TAF1: variants seen among roughly 807,000 people sequenced by gnomAD.
TAF1 encodes transcription initiation factor TFIID subunit 1.
A neutral mutation model predicts 138.5 loss-of-function variants in TAF1; 2 were observed. That is an observed-to-expected ratio of 0.01 (90% CI 0.01 to 0.05). The LOEUF is 0.05. TAF1 is among the 10% of genes least tolerant of loss of function. The pLI is 1.00. For synonymous variants in TAF1, 437 were observed against 503.2 expected, an observed-to-expected ratio of 0.87 and a Z score of 1.76; for missense variants, 709 against 1,478.0, an observed-to-expected ratio of 0.48 and a Z score of 8.53.
chrX:71,497,055 G>A (rs1414747603), intron 13 of TAF1, among the ~76,000 whole-genome samples: 1 of 112,119 alleles, frequency 8.9e-6, no homozygotes, highest in Non-Finnish European at 1.9e-5. Context: ...CTAAGGCTCG[G>A]GTAAGTGCCA....
At chrX:71,379,527 C>T (rs1165503256) in intron 8 of TAF1, among the ~76,000 whole-genome samples, 3 of 109,436 alleles carry the variant, frequency 2.7e-5, no homozygotes, top group Non-Finnish European at 3.8e-5. Context: ...GGAAGATAGT[C>T]CATGTAATTT....
rs371180908 is a variant in TAF1, at chrX:71,397,222, C to T, written c.3407-31C>T. 9.7e-5 allele frequency: 115 copies of T among 1,190,063 alleles called. No individual in the cohort carries two copies. In the African/African-American group the frequency reaches 1.8e-3, roughly 19 times the overall value. On this transcript the variant is annotated intron_variant, in intron 22 of 37. Coordinates refer to ENST00000423759, the MANE Select transcript of TAF1 (RefSeq NM_004606.5). ...ATGATCATTTGGGAGATAAGGGGAA[C>T]GTTTGGAAATCTTTTCTACCTACCT...
At chrX:71,463,297 T>G (rs1277674119) in intron 37 of TAF1, among the ~76,000 whole-genome samples, 1 of 110,525 alleles carries the variant, frequency 9.0e-6, no homozygotes, top group Non-Finnish European at 1.9e-5. Context: ...TTTTTTCAAG[T>G]AAAATTAAGA....
chrX:71,384,218 A>G, intron 13 of TAF1, 83 bp downstream of exon 13: 1 of 1,076,874 alleles, frequency 9.3e-7, no homozygotes, highest in South Asian at 2.2e-5. Context: ...ACTTTTTGTT[A>G]TTAACATAGC....
intron 37 of TAF1, among the ~76,000 whole-genome samples, chrX:71,462,286 A>C (rs1019926487): frequency 9.0e-6 from 1 of 111,060 alleles, no homozygotes; most frequent in African/African-American, 3.2e-5. Flanking sequence ...CATATGAAAA[A>C]ATAACTTCCA....
At chrX:71,501,790 G>A (rs936063424) in intron 13 of TAF1, among the ~76,000 whole-genome samples, 4 of 111,387 alleles carry the variant, frequency 3.6e-5, no homozygotes, top group South Asian at 3.8e-4. Context: ...TGCACTATTC[G>A]CTTTTAACTG....
rs1032931800 is a variant in TAF1 at position 71,424,266 on chromosome X, A to G, written c.4753+28A>G. 8 of 1,143,750 alleles carry G rather than the reference A, an allele frequency of 7.0e-6. No individual in the cohort carries two copies. The African/African-American group carries it at 1.1e-4, about 16-fold the overall frequency. 94.3% of individuals were successfully genotyped at this position (1,143,750 alleles called of 1,213,427 possible). A position where few individuals can be genotyped will look rare whatever the true frequency, so the allele number is the denominator to read the frequency against. On this transcript the variant is annotated intron_variant, in intron 32 of 37. Transcript: ENST00000423759. ...GGGTATTTCTCATTATTTTCTTTCC[A>G]TGAATCCGTCCATCTTCTATCCATC...
chrX:71,489,793 A>G (rs1039713031), intron 13 of TAF1, among the ~76,000 whole-genome samples: 3 of 112,477 alleles, frequency 2.7e-5, no homozygotes, highest in Non-Finnish European at 5.6e-5. Context: ...GAGGATGGCA[A>G]AGGGCCTGGA....
In TAF1 at chrX:71,392,596, A is replaced by G; in HGVS notation, c.2809A>G (p.Arg937Gly). ...EVRTAPWNTT[R>G]AFIAAMKGKC... is the part of the protein sequence containing the mutation. Reference sequence around the variant, plus strand: ...TCGCACTGCCCCTTGGAACACCACAAGGGCCTTCATTGCTGCCATGAAGGG... The same window carrying G: ...TCGCACTGCCCCTTGGAACACCACAGGGGCCTTCATTGCTGCCATGAAGGG... Residue 937 changes from arginine to glycine, a missense_variant, in exon 19 of 38, where the codon AGG (arginine) becomes GGG (glycine). Arg to Gly is a moderately radical substitution (Grantham distance 125, BLOSUM62 -2). Around this residue, in one of 14 missense-constraint regions of TAF1, gnomAD observed 31 missense variants for 140.4 expected, o/e 0.22. Coordinates refer to ENST00000423759, the MANE Select transcript of TAF1 (RefSeq NM_004606.5). 1 of 1,198,343 alleles carries G rather than the reference A, an allele frequency of 8.3e-7. No individual in the cohort carries two copies. Among genetic ancestry groups the G allele is most frequent in the Non-Finnish European group, 1.1e-6 (1 of 890,712 alleles).
chrX:71,403,947 G>T, intron 25 of TAF1, among the ~76,000 whole-genome samples: 1 of 100,479 alleles, frequency 1.0e-5, no homozygotes. Context: ...AAATATTTGA[G>T]AACTTCCTTG....
chrX:71,445,919 T>A (rs1031592115), intron 32 of TAF1, among the ~76,000 whole-genome samples: 10 of 109,736 alleles, frequency 9.1e-5, no homozygotes, highest in Admixed American at 3.9e-4. Flanking sequence ...TTCACTATTT[T>A]TTTTTTTTTT....
intron 32 of TAF1, among the ~76,000 whole-genome samples, chrX:71,439,494 C>T (rs1281434538): frequency 1.8e-5 from 2 of 111,493 alleles, no homozygotes; most frequent in Non-Finnish European, 3.8e-5. Context: ...ATCAAATAAT[C>T]TAGAAATACA....
In TAF1 at chrX:71,387,407, A is replaced by G. The variant is rs755993492; in HGVS notation, c.2373A>G (p.Glu791=). Residue 791 remains glutamate, a synonymous_variant, in exon 15 of 38, where the codon GAA becomes GAG. Transcript: ENST00000423759. ...FVVGQQCPLF[E]VPGPNSKRAN... Reference sequence around the variant, plus strand: ...TTGGCCAGCAGTGTCCCTTGTTTGAAGTTCCTGGGCCTAACTCCAAAAGGG... The same window carrying G: ...TTGGCCAGCAGTGTCCCTTGTTTGAGGTTCCTGGGCCTAACTCCAAAAGGG... 2.5e-6 allele frequency: 3 copies of G among 1,211,889 alleles called. No homozygotes were observed. The East Asian group carries it at 8.9e-5, about 36-fold the overall frequency.
chrX:71,462,991 A>G (rs2038615499), intron 37 of TAF1, among the ~76,000 whole-genome samples: 1 of 111,998 alleles, frequency 8.9e-6, no homozygotes, highest in Non-Finnish European at 1.9e-5. Flanking sequence ...TGTTACAGCC[A>G]TGTGTGGAAT....
chrX:71,515,845 G>A (rs1242786720), intron 13 of TAF1, among the ~76,000 whole-genome samples: 2 of 111,413 alleles, frequency 1.8e-5, no homozygotes, highest in African/African-American at 3.3e-5. Flanking sequence ...AATTAAGTCA[G>A]CTGATTTTAA....
chrX:71,479,172 G>A (rs1314029014), intron 13 of TAF1, among the ~76,000 whole-genome samples: 2 of 112,643 alleles, frequency 1.8e-5, no homozygotes, highest in African/African-American at 6.4e-5. Flanking sequence ...TATCAACATA[G>A]ATGAGTCCCA....
chrX:71,373,958 T>C (rs191017903), intron 3 of TAF1, among the ~76,000 whole-genome samples: 71 of 111,566 alleles, frequency 6.4e-4, no homozygotes, highest in Non-Finnish European at 1.2e-3. Flanking sequence ...AGTGCTGGGA[T>C]TACAGGTGCG....
At chrX:71,420,111 G>T (rs760153005) in intron 28 of TAF1, 2 of 468,683 alleles carry the variant, frequency 4.3e-6, no homozygotes, top group Non-Finnish European at 3.9e-6. Flanking sequence ...TGTCGCTCTA[G>T]CCTGGCCTCT....
intron 13 of TAF1, among the ~76,000 whole-genome samples, chrX:71,501,493 C>T (rs1317126895): frequency 2.8e-5 from 3 of 107,236 alleles, no homozygotes; most frequent in Admixed American, 1.0e-4. Context: ...TCTGATAGGC[C>T]TTAGGACCCA....
Sources: allele counts gnomAD v4.1 joint callset (sites outside exome capture counted in the v4.1 genomes callset), GRCh38; gene constraint gnomAD v4.1.1; regional missense constraint gnomAD v4.1.1; transcripts MANE v1.5; gene names NCBI Gene and HGNC (gene_info 2026-07-23, HGNC 2026-07-21).